Variants in PDE4B observed in about 807,000 individuals in gnomAD.
The protein encoded by PDE4B is 3',5'-cyclic-AMP phosphodiesterase 4B.
A neutral mutation model predicts 82.2 loss-of-function variants in PDE4B; 20 were observed. That is an observed-to-expected ratio of 0.24 (90% CI 0.17 to 0.35). The LOEUF is 0.35. PDE4B is among the 10% of genes least tolerant of loss of function. PDE4B has a pLI of 1.00. For synonymous variants in PDE4B, 320 were observed against 318.9 expected (o/e 1.00, Z -0.04); for missense variants, 655 against 907.2 (o/e 0.72, Z 3.57).
At position 66,141,664 on chromosome 1, in the gene PDE4B, T is replaced by A. The variant is rs144322565; in HGVS notation, c.282-105796T>A. On this transcript the variant is annotated intron_variant, in intron 3 of 16. Transcript: ENST00000341517. ...TCTGGGAAGAGTATACATACAATAC[T>A]TGCCGGGCCTATGAAAGGCTGGACC... Among the ~76,000 whole-genome samples the A allele has an allele frequency of 2.5e-3, 377 of 152,084 alleles. 2 individuals carry two copies. Among genetic ancestry groups the A allele is most frequent in the African/African-American group, 8.6e-3 (355 of 41,476 alleles).
intron 8 of PDE4B, among the ~76,000 whole-genome samples, chr1:66,340,198 G>A (rs970228781): frequency 2.0e-5 from 3 of 152,178 alleles, no homozygotes; most frequent in African/African-American, 7.2e-5. Context: ...TGTACGTGAT[G>A]TTTCCCTCAA....
chr1:65,955,940 T>C (rs1649236735), intron 3 of PDE4B, among the ~76,000 whole-genome samples: 1 of 152,104 alleles, frequency 6.6e-6, no homozygotes, highest in Non-Finnish European at 1.5e-5. Context: ...AAAAGAAATA[T>C]GCTACCACTA....
chr1:66,248,663 C>G (rs1176926146), intron 4 of PDE4B, among the ~76,000 whole-genome samples: 1 of 152,188 alleles, frequency 6.6e-6, no homozygotes, highest in African/African-American at 2.4e-5. Flanking sequence ...TTGTGTCAAT[C>G]TCTGGTGATA....
chr1:65,860,940 GA>G (rs760872769), intron 1 of PDE4B, among the ~76,000 whole-genome samples: 1 of 152,114 alleles, frequency 6.6e-6, no homozygotes, highest in Non-Finnish European at 1.5e-5. Flanking sequence ...GTAGATTCTG[GA>G]TCTTAGCCCT....
chr1:65,966,853 G>A (rs1557464586), intron 3 of PDE4B, among the ~76,000 whole-genome samples: 1 of 152,116 alleles, frequency 6.6e-6, no homozygotes, highest in African/African-American at 2.4e-5. Context: ...GCTGAAACTG[G>A]ATCCCTTCCT....
intron 8 of PDE4B, chr1:66,354,382 A>G: frequency 1.0e-6 from 1 of 986,556 alleles, no homozygotes; most frequent in Non-Finnish European, 1.2e-6. Context: ...GGCTTCCTCC[A>G]TTTTAATCTT....
At chr1:65,878,844 C>A (rs140598200) in intron 1 of PDE4B, among the ~76,000 whole-genome samples, 85 of 152,104 alleles carry the variant, frequency 5.6e-4, no homozygotes, top group African/African-American at 2.0e-3. Flanking sequence ...CACATGTATA[C>A]CTATGTAACT....
chr1:65,809,067 A>G (rs1224102542), intron 1 of PDE4B, among the ~76,000 whole-genome samples: 1 of 152,112 alleles, frequency 6.6e-6, no homozygotes, highest in African/African-American at 2.4e-5. Context: ...GTGGTAGCTC[A>G]TGCCTGTAAT....
At chr1:65,837,111 T>G (rs1646148983) in intron 1 of PDE4B, among the ~76,000 whole-genome samples, 1 of 152,086 alleles carries the variant, frequency 6.6e-6, no homozygotes. Context: ...TTTTAATCAT[T>G]AAGCTACCAT....
At chr1:66,300,535 T>C (rs1307126699) in intron 7 of PDE4B, among the ~76,000 whole-genome samples, 1 of 152,156 alleles carries the variant, frequency 6.6e-6, no homozygotes, top group Non-Finnish European at 1.5e-5. Context: ...CTTACATAGC[T>C]GATAATAGAG....
chr1:66,161,736 C>G (rs1276865808), intron 3 of PDE4B, among the ~76,000 whole-genome samples: 1 of 151,994 alleles, frequency 6.6e-6, no homozygotes, highest in Non-Finnish European at 1.5e-5. Flanking sequence ...GACACACTTC[C>G]TAGCTGTGTG....
intron 3 of PDE4B, among the ~76,000 whole-genome samples, chr1:66,047,520 C>T (rs958500983): frequency 6.6e-6 from 1 of 151,870 alleles, no homozygotes. Context: ...ATGCTGAGCT[C>T]CAGCCCAGTG....
chr1:66,348,150 A>T (rs1196896313), intron 8 of PDE4B, among the ~76,000 whole-genome samples: 1 of 152,196 alleles, frequency 6.6e-6, no homozygotes, highest in Non-Finnish European at 1.5e-5. Context: ...AACCTTTGTC[A>T]TCTACTTTGG....
chr1:66,042,869 A>G (rs1432594551), intron 3 of PDE4B: 1 of 151,854 alleles, frequency 6.6e-6, no homozygotes, highest in Non-Finnish European at 1.5e-5. Context: ...CAAATTTCCA[A>G]CACCAACAGT....
chr1:65,888,761 T>C (rs1230055816), intron 1 of PDE4B, among the ~76,000 whole-genome samples: 3 of 152,160 alleles, frequency 2.0e-5, no homozygotes, highest in African/African-American at 7.2e-5. Context: ...TTATTATTAA[T>C]GTATACAAAC....
chr1:65,820,688 G>C (rs1466842916), intron 1 of PDE4B, among the ~76,000 whole-genome samples: 1 of 152,108 alleles, frequency 6.6e-6, no homozygotes, highest in Non-Finnish European at 1.5e-5. Flanking sequence ...AATCCCTTGG[G>C]TTCTTCCTTT....
rs149861322 is a variant in PDE4B, at chr1:65,969,149, G to T, written c.281+50314G>T. On this transcript the variant is annotated intron_variant, in intron 3 of 16. Transcript: ENST00000341517. ...CTCTCAGAGGTTTAAAACACTATAGGTTTTCTTCTTGCTCATATGACACAT... is the reference window on the plus strand; with the variant it reads ...CTCTCAGAGGTTTAAAACACTATAGTTTTTCTTCTTGCTCATATGACACAT... 3.0e-4 allele frequency among the ~76,000 whole-genome samples: 45 copies of T among 152,170 alleles called. 1 individual carries two copies. Among genetic ancestry groups the T allele is most frequent in the African/African-American group, 1.0e-3 (43 of 41,528 alleles).
intron 3 of PDE4B, among the ~76,000 whole-genome samples, chr1:65,999,090 C>T (rs989462128): frequency 2.6e-5 from 4 of 152,246 alleles, no homozygotes; most frequent in African/African-American, 9.6e-5. Context: ...GTAATGGTGA[C>T]AACCCCCAGG....
Position 66,282,472 on chromosome 1 carries a change from G to A in PDE4B, c.634+16385G>A, listed in dbSNP as rs140763124. Among the ~76,000 whole-genome samples the A allele has an allele frequency of 1.4e-3, 207 of 152,316 alleles. 4 individuals carry two copies. Among genetic ancestry groups the A allele is most frequent in the African/African-American group, 4.6e-3 (191 of 41,574 alleles). ...CACAAGGAGAGAGAATTAGATTTCA[G>A]ATCAGTAGTGAAACTGAGGTGTGTC... On this transcript the variant is annotated intron_variant, in intron 7 of 16. Coordinates refer to ENST00000341517, the MANE Select transcript of PDE4B (RefSeq NM_002600.4).
Sources: gnomAD v4.1 joint callset for allele counts (sites outside exome capture counted in the v4.1 genomes callset) on GRCh38, gnomAD v4.1.1 for gene constraint, MANE v1.5 for transcripts, NCBI Gene and HGNC (gene_info 2026-07-23, HGNC 2026-07-21) for gene names.